Variants in LMO3 observed in about 807,000 individuals in gnomAD.
The protein encoded by LMO3 is LIM domain only 3, also known as LIM domain only protein 3.
Under a neutral mutation model 15.8 loss-of-function variants are expected in LMO3, and 2 were observed. The observed-to-expected ratio is 0.13, with a 90% CI of 0.05 to 0.40. LMO3 has a LOEUF of 0.40. LMO3 is among the 10% of genes least tolerant of loss of function. The pLI is 0.99. For missense variants in LMO3, 86 were observed against 182.2 expected (o/e 0.47, Z 3.04); for synonymous variants, 62 against 63.8 (o/e 0.97, Z 0.13).
At chr12:16,571,764 C>T (rs1942818955) in intron 2 of LMO3, among the ~76,000 whole-genome samples, 1 of 152,028 alleles carries the variant, frequency 6.6e-6, no homozygotes, top group African/African-American at 2.4e-5. Flanking sequence ...TGTGATTCTT[C>T]ATTCTAATCA....
upstream of LMO3, chr12:16,607,773 C>A (rs532976213): frequency 1.3e-5 from 1 of 79,116 alleles, no homozygotes; most frequent in South Asian, 5.6e-4. Context: ...AATCAAAGCA[C>A]CCCCCCCATG....
At chr12:16,578,752 A>T (rs1326121628) in intron 2 of LMO3, among the ~76,000 whole-genome samples, 1 of 151,994 alleles carries the variant, frequency 6.6e-6, no homozygotes, top group African/African-American at 2.4e-5. Flanking sequence ...TGGGAGGCGG[A>T]GTTTGCAGTG....
Position 16,551,775 on chromosome 12 carries a change from A to G in LMO3, c.333-448T>C, listed in dbSNP as rs929300629. Among the ~76,000 whole-genome samples, 42 of 152,096 alleles carry G rather than the reference A, an allele frequency of 2.8e-4. 1 individual carries two copies. Among genetic ancestry groups the G allele is most frequent in the African/African-American group, 8.9e-4 (37 of 41,464 alleles). ...AAAAGGCATTAAAATGAATCAAACA[A>G]TTAGAAAATAGCCTATTTTAAAGCT... On this transcript the variant is annotated intron_variant, in intron 3 of 3. Transcript: ENST00000537304.
rs1240521150 is a variant in LMO3, at chr12:16,593,354, A to T, written c.206+7301T>A. Reference sequence around the variant, plus strand: ...ACACATGCTGATTAGAGTCTAACTTAATACATGCAGCTTAATGTTAATTTT... The same window carrying T: ...ACACATGCTGATTAGAGTCTAACTTTATACATGCAGCTTAATGTTAATTTT... On this transcript the variant is annotated intron_variant, in intron 2 of 3. Transcript: ENST00000537304. The surrounding 1 kb of genome is among the most constrained non-coding windows in gnomAD (Gnocchi z 4.2). Among the ~76,000 whole-genome samples the T allele has an allele frequency of 6.6e-6, 1 of 151,778 alleles. No homozygotes were observed. The highest frequency in any genetic ancestry group is 1.5e-5 in the Non-Finnish European group (1 of 67,760).
upstream of LMO3, chr12:16,609,955 T>C (rs1216821326): frequency 6.6e-6 from 1 of 151,062 alleles, no homozygotes; most frequent in Non-Finnish European, 1.5e-5. Flanking sequence ...AGACAGGTTG[T>C]TGGGGGGAGG....
Position 16,600,807 on chromosome 12 carries a change from T to C in LMO3, c.54A>G (p.Arg18=). The stretch of plus-strand genomic sequence containing the variant: ...TTAGAAGATACCGGTCCTTGATCTT[T>C]CGGTTGCAGCCAGCACAACCTTTCG... ...TKPKGCAGCN[R]KIKDRYLLKA... The change falls in exon 2 of 4, where the codon CGA becomes CGG. Residue 18 remains arginine, a synonymous_variant. Transcript: ENST00000537304. 1 of 1,614,116 alleles carries C rather than the reference T, an allele frequency of 6.2e-7. No homozygotes were observed. Among genetic ancestry groups the C allele is most frequent in the Non-Finnish European group, 8.5e-7 (1 of 1,180,002 alleles).
chr12:16,579,424 C>A (rs995784828), intron 2 of LMO3, among the ~76,000 whole-genome samples: 3 of 152,194 alleles, frequency 2.0e-5, no homozygotes, highest in Non-Finnish European at 4.4e-5. Flanking sequence ...ATTTACATAA[C>A]CTTCCAAGTT....
chr12:16,589,104 A>C lies in LMO3; in HGVS notation c.206+11551T>G, dbSNP rs1943412948. On this transcript the variant is annotated intron_variant, in intron 2 of 3. Coordinates refer to ENST00000537304, the MANE Select transcript of LMO3 (RefSeq NM_018640.5). The surrounding 1 kb of genome is among the most constrained non-coding windows in gnomAD (Gnocchi z 4.2). ...AGGTCTGGATACCTCACCGTGATGC[A>C]ACCTGACATGCCTCTAAGATCTACG... Among the ~76,000 whole-genome samples, 1 of 152,138 alleles carries C rather than the reference A, an allele frequency of 6.6e-6. No individual in the cohort carries two copies. The highest frequency in any genetic ancestry group is 6.6e-5 in the Admixed American group (1 of 15,252).
At chr12:16,605,105 C>T in intron 1 of LMO3, 22 of 1,436,156 alleles carry the variant, frequency 1.5e-5, no homozygotes, top group Non-Finnish European at 1.8e-5. Context: ...CAAGACAGGG[C>T]GCACACACGG....
chr12:16,577,329 C>G (rs1195961463), intron 2 of LMO3, among the ~76,000 whole-genome samples: 1 of 152,174 alleles, frequency 6.6e-6, no homozygotes, highest in Non-Finnish European at 1.5e-5. Context: ...AGGACCATCT[C>G]TTATCACAAT....
chr12:16,597,604 T>A lies in LMO3; in HGVS notation c.206+3051A>T, dbSNP rs899378828. The A allele has an allele frequency of 6.6e-6, 1 of 151,920 alleles. No individual in the cohort carries two copies. The highest frequency in any genetic ancestry group is 1.5e-5 in the Non-Finnish European group (1 of 67,834). 9.4% of individuals were successfully genotyped at this position (151,920 alleles called of 1,614,324 possible). A position where few individuals can be genotyped will look rare whatever the true frequency, so the allele number is the denominator to read the frequency against. On this transcript the variant is annotated intron_variant, in intron 2 of 3. Transcript: ENST00000537304. This position sits in a 1 kb window ranked among gnomAD's most constrained non-coding sequence, Gnocchi z 5.0. ...AAATTATCTGGCCCAGGACAATACTTGTAACCAACAATATATGTGGACAGG... is the reference window on the plus strand; with the variant it reads ...AAATTATCTGGCCCAGGACAATACTAGTAACCAACAATATATGTGGACAGG...
chr12:16,573,090 T>C (rs929607127), intron 2 of LMO3, among the ~76,000 whole-genome samples: 7 of 152,246 alleles, frequency 4.6e-5, no homozygotes, highest in African/African-American at 1.7e-4. Flanking sequence ...ACCTTTTTTT[T>C]TTCCTATGAA....
chr12:16,569,860 CAG>C (rs1217140463), intron 2 of LMO3, among the ~76,000 whole-genome samples: 3 of 152,130 alleles, frequency 2.0e-5, no homozygotes, highest in East Asian at 3.9e-4. Context: ...TGTACTAAAA[CAG>C]AAATATTTTA....
At chr12:16,557,547 G>A (rs1942238602) in intron 3 of LMO3, among the ~76,000 whole-genome samples, 1 of 151,942 alleles carries the variant, frequency 6.6e-6, no homozygotes, top group Admixed American at 6.6e-5. Context: ...CATGCTCTGT[G>A]AATTTAACCA....
At chr12:16,557,376 T>TC (rs978167730) in intron 3 of LMO3, among the ~76,000 whole-genome samples, 25 of 151,700 alleles carry the variant, frequency 1.6e-4, no homozygotes, top group African/African-American at 5.8e-4. Context: ...GATTTTTTTT[T>TC]TTTTTTTTTA....
In LMO3 at chr12:16,560,924, A is replaced by G; in HGVS notation, c.207-386T>C. 5.3e-6 allele frequency: 1 copy of G among 189,116 alleles called. No homozygotes were observed. Among genetic ancestry groups the G allele is most frequent in the Non-Finnish European group, 1.1e-5 (1 of 88,498 alleles). The allele number at this position is 189,116 out of a possible 1,614,324, so 11.7% of individuals were successfully genotyped here. A position where few individuals can be genotyped will look rare whatever the true frequency, so the allele number is the denominator to read the frequency against. On this transcript the variant is annotated intron_variant, in intron 2 of 3. Transcript: ENST00000537304. The surrounding 1 kb of genome is among the most constrained non-coding windows in gnomAD (Gnocchi z 5.0). ...AACATTTTAGTTGGGAAAGGAACCAACTAATGAATGATTCACTACTTTTTG... is the reference window on the plus strand; with the variant it reads ...AACATTTTAGTTGGGAAAGGAACCAGCTAATGAATGATTCACTACTTTTTG...
intron 2 of LMO3, among the ~76,000 whole-genome samples, chr12:16,563,016 G>A (rs1033976018): frequency 1.3e-5 from 2 of 152,182 alleles, no homozygotes; most frequent in South Asian, 2.1e-4. Flanking sequence ...TGTAACCAGG[G>A]AATTAGGCTT....
chr12:16,571,889 T>C (rs1942823198), intron 2 of LMO3, among the ~76,000 whole-genome samples: 1 of 152,032 alleles, frequency 6.6e-6, no homozygotes, highest in Non-Finnish European at 1.5e-5. Flanking sequence ...ATAACTTTTA[T>C]TTAATATAAG....
chr12:16,560,694 C>T lies in LMO3; in HGVS notation c.207-156G>A. ...TATCCTAGGTGTATGCATAAATATT[C>T]TTCTGCAATATATTCTCCGTTGACC... On this transcript the variant is annotated intron_variant, in intron 2 of 3. Transcript: ENST00000537304. The surrounding 1 kb of genome is among the most constrained non-coding windows in gnomAD (Gnocchi z 5.0). 1.5e-6 allele frequency: 1 copy of T among 663,606 alleles called. No individual in the cohort carries two copies. The allele number at this position is 663,606 out of a possible 1,614,324, so 41.1% of individuals were successfully genotyped here. A position where few individuals can be genotyped will look rare whatever the true frequency, so the allele number is the denominator to read the frequency against.
Sources: gnomAD v4.1 joint callset for allele counts (sites outside exome capture counted in the v4.1 genomes callset) on GRCh38, gnomAD v4.1.1 for gene constraint, Gnocchi (gnomAD v3.1) non-coding constraint, MANE v1.5 for transcripts, NCBI Gene and HGNC (gene_info 2026-07-23, HGNC 2026-07-21) for gene names.